Variants in LYSMD1 observed in about 807,000 individuals in gnomAD.
LYSMD1 encodes the protein lysM and putative peptidoglycan-binding domain-containing protein 1.
In LYSMD1, 9 loss-of-function variants were observed where a neutral mutation model predicts 19.3. That is an observed-to-expected ratio of 0.47 (90% CI 0.28 to 0.81). LYSMD1 has a LOEUF of 0.81. Ranked by LOEUF, LYSMD1 falls within the 40% of genes least tolerant of loss-of-function variation. The pLI is 0.11. For synonymous variants in LYSMD1, 111 were observed against 111.7 expected, an observed-to-expected ratio of 0.99 and a Z score of 0.04; for missense variants, 262 against 279.8, an observed-to-expected ratio of 0.94 and a Z score of 0.45.
At chr1:151,163,564 T>G (rs945253573) in intron 1 of LYSMD1, among the ~76,000 whole-genome samples, 1 of 152,224 alleles carries the variant, frequency 6.6e-6, no homozygotes, top group African/African-American at 2.4e-5. Flanking sequence ...GGTCTCACTC[T>G]GTCGCCCAGC....
chr1:151,159,015 G>C (rs950354072), downstream of LYSMD1: 4 of 1,614,148 alleles, frequency 2.5e-6, no homozygotes, highest in African/African-American at 5.3e-5. Flanking sequence ...GCTTTGGTGA[G>C]GTAGACTTCA....
intron 1 of LYSMD1, among the ~76,000 whole-genome samples, chr1:151,164,322 A>G (rs1683575950): frequency 6.6e-6 from 1 of 152,346 alleles, no homozygotes; most frequent in South Asian, 2.1e-4. Flanking sequence ...TTAAGTTTCT[A>G]TCTCCCAGAA....
chr1:151,163,105 A>G (rs1009169311), intron 1 of LYSMD1, among the ~76,000 whole-genome samples: 7 of 152,022 alleles, frequency 4.6e-5, no homozygotes, highest in Non-Finnish European at 8.8e-5. Flanking sequence ...TGAACATTCC[A>G]TGATCTTTTT....
chr1:151,149,036 G>T, the LYSMD1 span, among the ~76,000 whole-genome samples: 1 of 152,192 alleles, frequency 6.6e-6, no homozygotes, highest in Non-Finnish European at 1.5e-5. Flanking sequence ...AGACAAGGGT[G>T]ATGGGAACAG....
At chr1:151,155,008 C>G (rs1683188173), downstream of LYSMD1, among the ~76,000 whole-genome samples, 1 of 152,216 alleles carries the variant, frequency 6.6e-6, no homozygotes, top group East Asian at 1.9e-4. Context: ...GATCCACCCA[C>G]CTTGGCTTCC....
chr1:151,165,620 G>C lies in LYSMD1; in HGVS notation c.-362C>G. The stretch of plus-strand genomic sequence containing the variant: ...CCCCCAAGTAGCCTGGCCTCAGGGC[G>C]CTCCAACATCCCAGCTCTCCCCGGT... On this transcript the variant is annotated 5_prime_UTR_variant, in exon 1 of 3. Transcript: ENST00000368908. The C allele has an allele frequency of 6.5e-7, 1 of 1,534,150 alleles. No individual in the cohort carries two copies. Among genetic ancestry groups the C allele is most frequent in the South Asian group, 1.2e-5 (1 of 82,634 alleles).
the LYSMD1 span, among the ~76,000 whole-genome samples, chr1:151,149,856 C>T: frequency 2.6e-5 from 4 of 152,164 alleles, no homozygotes; most frequent in East Asian, 7.7e-4. Flanking sequence ...AGTTCCTTTC[C>T]TTACCATTTC....
the LYSMD1 span, among the ~76,000 whole-genome samples, chr1:151,152,729 A>G: frequency 2.0e-5 from 3 of 152,124 alleles, no homozygotes; most frequent in Admixed American, 6.5e-5. Context: ...CCCCAAACAA[A>G]AAAAGAGTAA....
the LYSMD1 span, among the ~76,000 whole-genome samples, chr1:151,154,594 T>C: frequency 6.6e-6 from 1 of 151,770 alleles, no homozygotes; most frequent in African/African-American, 2.4e-5. Context: ...AATCCAGAAG[T>C]TATTATTGTA....
chr1:151,156,158 A>T (rs1039036558), downstream of LYSMD1, among the ~76,000 whole-genome samples: 4 of 148,448 alleles, frequency 2.7e-5, no homozygotes, highest in Non-Finnish European at 5.9e-5. Flanking sequence ...CCTCTACGCT[A>T]GTGATTCAGT....
downstream of LYSMD1, chr1:151,158,777 CTCATCT>C: frequency 1.9e-6 from 3 of 1,614,088 alleles, no homozygotes; most frequent in Non-Finnish European, 2.5e-6. Context: ...CGCTCTGTGG[CTCATCT>C]CTTCATAGAT....
chr1:151,161,389 C>T (rs1168590216), intron 2 of LYSMD1, among the ~76,000 whole-genome samples: 1 of 151,688 alleles, frequency 6.6e-6, no homozygotes, highest in Non-Finnish European at 1.5e-5. Flanking sequence ...CCCAGCTACT[C>T]GGGAGGCTGA....
At chr1:151,162,955 C>A (rs948632335) in intron 1 of LYSMD1, among the ~76,000 whole-genome samples, 1 of 152,210 alleles carries the variant, frequency 6.6e-6, no homozygotes, top group Non-Finnish European at 1.5e-5. Flanking sequence ...CACTACCCAC[C>A]TATGGCTCCG....
At chr1:151,154,006 G>A in the LYSMD1 span, among the ~76,000 whole-genome samples, 1 of 151,690 alleles carries the variant, frequency 6.6e-6, no homozygotes, top group Admixed American at 6.6e-5. Context: ...CCCCATGAAT[G>A]AAGTAAATGA....
chr1:151,149,129 C>T, the LYSMD1 span, among the ~76,000 whole-genome samples: 12 of 151,912 alleles, frequency 7.9e-5, no homozygotes, highest in Non-Finnish European at 1.2e-4. Context: ...GGTGGCTCAC[C>T]CCTGTAATCC....
downstream of LYSMD1, chr1:151,158,777 C>T (rs1374692372): frequency 6.2e-7 from 1 of 1,613,970 alleles, no homozygotes; most frequent in African/African-American, 1.3e-5. Flanking sequence ...CGCTCTGTGG[C>T]TCATCTCTTC....
the LYSMD1 span, among the ~76,000 whole-genome samples, chr1:151,153,612 G>T: frequency 6.7e-6 from 1 of 150,258 alleles, no homozygotes; most frequent in Non-Finnish European, 1.5e-5. Context: ...CCGAGATCAC[G>T]CCGCTGCACT....
At chr1:151,158,807 A>C (rs201575101), downstream of LYSMD1, 3 of 1,614,110 alleles carry the variant, frequency 1.9e-6, no homozygotes, top group East Asian at 6.7e-5. Flanking sequence ...ACAAGCAGTG[A>C]GGTGCTAGAT....
At chr1:151,155,921 G>A (rs1683206228), downstream of LYSMD1, among the ~76,000 whole-genome samples, 1 of 151,714 alleles carries the variant, frequency 6.6e-6, no homozygotes, top group Non-Finnish European at 1.5e-5. Context: ...TGGCCAACAT[G>A]GTGAAACCGT....
Sources: allele counts gnomAD v4.1 joint callset (sites outside exome capture counted in the v4.1 genomes callset), GRCh38; gene constraint gnomAD v4.1.1; transcripts MANE v1.5; gene names NCBI Gene and HGNC (gene_info 2026-07-23, HGNC 2026-07-21).